SLC11A1: variants seen among roughly 807,000 people sequenced by gnomAD.
SLC11A1 encodes the protein natural resistance-associated macrophage protein 1.
Under a neutral mutation model 63.2 loss-of-function variants are expected in SLC11A1, and 59 were observed. The ratio of observed to expected loss-of-function variants is 0.93; its 90% CI spans 0.76 to 1.16. The LOEUF is 1.16. Ranked by LOEUF, SLC11A1 falls within the 50% of genes most tolerant of loss-of-function variation. SLC11A1 has a pLI of 0.00. For synonymous variants in SLC11A1, 305 were observed against 307.8 expected (o/e 0.99, Z 0.09); for missense variants, 688 against 730.7 (o/e 0.94, Z 0.67).
chr2:218,394,571 G>A, intron 13 of SLC11A1, 61 bp from the exon 14 acceptor site: 3 of 1,569,044 alleles, frequency 1.9e-6, no homozygotes, highest in Non-Finnish European at 1.7e-6. Context: ...AGATGAAGAG[G>A]AGTTGATGCA....
rs1401267685 is a variant in SLC11A1, at chr2:218,385,451, T to C, written c.393+185T>C. Reference sequence around the variant, plus strand: ...CGTCGCCCAGTCAGGAGTGCAATGGTGCGATGTCAGCTCACTGCAACCTCT... The same window carrying C: ...CGTCGCCCAGTCAGGAGTGCAATGGCGCGATGTCAGCTCACTGCAACCTCT... On this transcript the variant is annotated intron_variant, in intron 4 of 14. Coordinates refer to ENST00000233202, the MANE Select transcript of SLC11A1 (RefSeq NM_000578.4). The C allele has an allele frequency of 1.1e-5, 8 of 744,096 alleles. No homozygotes were observed. In the East Asian group the frequency reaches 2.6e-4, roughly 24 times the overall value. 46.1% of individuals were successfully genotyped at this position (744,096 alleles called of 1,614,324 possible).
At chr2:218,387,708 C>CG in intron 7 of SLC11A1, 76 bp downstream of exon 7, 1 of 1,610,890 alleles carries the variant, frequency 6.2e-7, no homozygotes, top group Non-Finnish European at 8.5e-7. Context: ...CCGCGGGCTG[C>CG]GGGGGGCTGG....
chr2:218,393,499 G>A (rs1475416347), intron 12 of SLC11A1, among the ~76,000 whole-genome samples: 2 of 145,390 alleles, frequency 1.4e-5, no homozygotes, highest in Admixed American at 7.0e-5. Context: ...TTTTTGAGAC[G>A]GAGTTTCACT....
At chr2:218,388,097 C>T (rs1696213739) in intron 8 of SLC11A1, 142 bp downstream of exon 8, 1 of 1,042,970 alleles carries the variant, frequency 9.6e-7, no homozygotes, top group Non-Finnish European at 1.4e-6. Flanking sequence ...AGGCGGGGCG[C>T]CATGGCTCAC....
Position 218,384,945 on chromosome 2 carries a change from ACTC to A in SLC11A1, c.274-199_274-197del, listed in dbSNP as rs1335292920. ...ACTATGTTGCTCAGGCTGCTCTTGAACTCCTGGACTCAAGCAATCCTCCCACCT... is the reference window on the plus strand; with the variant it reads ...ACTATGTTGCTCAGGCTGCTCTTGAACTGGACTCAAGCAATCCTCCCACCT... On this transcript the variant is annotated intron_variant, in intron 3 of 14. Coordinates refer to ENST00000233202, the MANE Select transcript of SLC11A1 (RefSeq NM_000578.4). This position sits in a 1 kb window ranked among gnomAD's most constrained non-coding sequence, Gnocchi z 4.0. The A allele has an allele frequency of 8.9e-6, 5 of 564,712 alleles. No individual in the cohort carries two copies. The African/African-American group carries it at 9.5e-5, about 11-fold the overall frequency. 35.0% of individuals were successfully genotyped at this position (564,712 alleles called of 1,614,324 possible).
At position 218,391,304 on chromosome 2, in the gene SLC11A1, G is replaced by C; in HGVS notation, c.1044+17G>C. 1 of 1,613,714 alleles carries C rather than the reference G, an allele frequency of 6.2e-7. No homozygotes were observed. The highest frequency in any genetic ancestry group is 8.5e-7 in the Non-Finnish European group (1 of 1,179,638). ...TACCAGGGGGTGAGCGCGGGTGGGT[G>C]GGGAGGGCGTGACCCAGAGAGGCTC... is the stretch of plus-strand genomic sequence containing the variant. On this transcript the variant is annotated intron_variant, in intron 10 of 14. Coordinates refer to ENST00000233202, the MANE Select transcript of SLC11A1 (RefSeq NM_000578.4).
At chr2:218,391,101 C>CTGTTTTGG in intron 9 of SLC11A1, 97 bp from the exon 10 acceptor site, 1 of 1,014,062 alleles carries the variant, frequency 9.9e-7, no homozygotes, top group Non-Finnish European at 1.6e-6. Flanking sequence ...CAGCCTTGGG[C>CTGTTTTGG]CACCAGTTTT....
Position 218,393,014 on chromosome 2 carries a change from C to A in SLC11A1, c.1198C>A (p.Arg400Ser), listed in dbSNP as rs774024940. Residue 400 changes from arginine (R) to serine (S), a missense_variant, in exon 12 of 15, where the codon CGT becomes AGT. Physicochemically the swap from Arg to Ser is moderately radical, Grantham distance 110 (BLOSUM62 -1). Coordinates refer to ENST00000233202, the MANE Select transcript of SLC11A1 (RefSeq NM_000578.4). ...FLRLRWSRFA[R>S]VLLTRSCAIL... is the part of the protein sequence containing the mutation. ...GAGGCTGCGGTGGTCACGCTTCGCCCGTGTCCTCCTCACCCGCTCCTGCGC... is the reference window on the plus strand; with the variant it reads ...GAGGCTGCGGTGGTCACGCTTCGCCAGTGTCCTCCTCACCCGCTCCTGCGC... 7 of 1,598,006 alleles carry A rather than the reference C, an allele frequency of 4.4e-6. No individual in the cohort carries two copies. In the South Asian group the frequency reaches 4.5e-5, roughly 10 times the overall value.
At chr2:218,394,254 C>T (rs913464703) in intron 13 of SLC11A1, 61 bp downstream of exon 13, 1 of 1,510,658 alleles carries the variant, frequency 6.6e-7, no homozygotes, top group African/African-American at 1.4e-5. Flanking sequence ...CACAGCCACC[C>T]AGAGGTACGA....
chr2:218,387,221 G>A lies in SLC11A1; in HGVS notation c.562G>A (p.Asp188Asn). Residue 188 changes from aspartate (D) to asparagine (N), a missense_variant, in exon 6 of 15, where the codon GAT becomes AAT. Physicochemically the swap from Asp to Asn is conservative, Grantham distance 23. Coordinates refer to ENST00000233202, the MANE Select transcript of SLC11A1 (RefSeq NM_000578.4). ...IVDTFFFLFL[D>N]NYGLRKLEAF... ...GGACACCTTCTTCTTCCTCTTCCTC[G>A]ATAACTACGGTGGGTGCACACCCCA... 6.2e-7 allele frequency: 1 copy of A among 1,613,344 alleles called. No individual in the cohort carries two copies. Among genetic ancestry groups the A allele is most frequent in the Non-Finnish European group, 8.5e-7 (1 of 1,179,590 alleles).
chr2:218,387,950 G>C lies in SLC11A1; in HGVS notation c.790G>C (p.Val264Leu). Residue 264 changes from valine (V) to leucine (L), a missense_variant, in exon 8 of 15, where the codon GTC (valine) becomes CTC (leucine). Transcript: ENST00000233202. The stretch of plus-strand genomic sequence containing the variant: ...CAACATCTACCTGCACTCGGCCCTG[G>C]TCAAGGTGAGCAGAGGGGAGGGGAA... ...PHNIYLHSALVKSREIDRARR... is the reference protein window; with the variant it reads ...PHNIYLHSALLKSREIDRARR... 1 of 1,605,984 alleles carries C rather than the reference G, an allele frequency of 6.2e-7. No individual in the cohort carries two copies. Among genetic ancestry groups the C allele is most frequent in the South Asian group, 1.1e-5 (1 of 89,806 alleles).
chr2:218,391,494 AG>A lies in SLC11A1; in HGVS notation c.1164+1del. 6.3e-7 allele frequency: 1 copy of A among 1,587,116 alleles called. No homozygotes were observed. The highest frequency in any genetic ancestry group is 8.6e-7 in the Non-Finnish European group (1 of 1,166,948). ...ACCTACGCGGGACAGTTCGTGATGGAGGTAGGGCAGGGGGCGGGCCCAGGAG... is the reference window on the plus strand; with the variant it reads ...ACCTACGCGGGACAGTTCGTGATGGAGTAGGGCAGGGGGCGGGCCCAGGAG... ...TGTYAGQFVM[E>X]GFLRLRWSRF... On this transcript the variant is annotated frameshift_variant and splice_region_variant, in exon 11 of 15. Transcript: ENST00000233202. LOFTEE classifies it high-confidence loss of function.
At chr2:218,393,278 T>C in intron 12 of SLC11A1, 148 bp downstream of exon 12, 1 of 785,692 alleles carries the variant, frequency 1.3e-6, no homozygotes, top group Non-Finnish European at 1.8e-6. Flanking sequence ...ACAGCCACCC[T>C]GGGGGGCAGG....
At position 218,384,114 on chromosome 2, in the gene SLC11A1, G is replaced by A. The variant is rs185366571; in HGVS notation, c.151-129G>A. 58 of 992,418 alleles carry A rather than the reference G, an allele frequency of 5.8e-5. No homozygotes were observed. The highest frequency in any genetic ancestry group is 7.3e-4 in the Middle Eastern group (2 of 2,736). 61.5% of individuals were successfully genotyped at this position (992,418 alleles called of 1,614,324 possible). A position where few individuals can be genotyped will look rare whatever the true frequency, so the allele number is the denominator to read the frequency against. On this transcript the variant is annotated intron_variant, in intron 2 of 14. Transcript: ENST00000233202. The surrounding 1 kb of genome is among the most constrained non-coding windows in gnomAD (Gnocchi z 4.0). ...CCCCATCCCTTGGGTGGCAGACCCA[G>A]GAATGGGCCATGGAGGGCAGGGCTG...
chr2:218,383,257 T>C, intron 2 of SLC11A1, 155 bp downstream of exon 2: 1 of 749,036 alleles, frequency 1.3e-6, no homozygotes, highest in Non-Finnish European at 2.1e-6. Flanking sequence ...CCCTTCCTGC[T>C]TCCGTCCCCA....
intron 9 of SLC11A1, 132 bp downstream of exon 9, chr2:218,390,160 T>G (rs1467513946): frequency 7.0e-5 from 61 of 872,832 alleles, no homozygotes; most frequent in Non-Finnish European, 1.1e-4. Context: ...TTGGCAGATA[T>G]CATTCATTCA....
Position 218,384,607 on chromosome 2 carries a change from A to T in SLC11A1, c.273+242A>T, listed in dbSNP as rs538232007. 1.7e-4 allele frequency: 28 copies of T among 160,090 alleles called. No homozygotes were observed. Among genetic ancestry groups the T allele is most frequent in the African/African-American group, 1.2e-4 (5 of 41,546 alleles). 9.9% of individuals were successfully genotyped at this position (160,090 alleles called of 1,614,324 possible). ...GTATATTTATTTATTTATTTATTTA[A>T]TTTTATTTTTTGAGACTCAGTCTCA... On this transcript the variant is annotated intron_variant, in intron 3 of 14. Coordinates refer to ENST00000233202, the MANE Select transcript of SLC11A1 (RefSeq NM_000578.4). This position sits in a 1 kb window ranked among gnomAD's most constrained non-coding sequence, Gnocchi z 4.0.
chr2:218,395,242 C>T lies in SLC11A1; in HGVS notation c.*207C>T, dbSNP rs191702518. On this transcript the variant is annotated 3_prime_UTR_variant, in exon 15 of 15. Transcript: ENST00000233202. The stretch of plus-strand genomic sequence containing the variant: ...CTCATCTGTAAAATGGAGACACCAC[C>T]ACCCTTGCCATGGAGGTTAAGCACT... 1.8e-3 allele frequency: 1,023 copies of T among 575,990 alleles called. 7 individuals carry two copies. The highest frequency in any genetic ancestry group is 0.017 in the African/African-American group (887 of 53,664). 35.7% of individuals were successfully genotyped at this position (575,990 alleles called of 1,614,324 possible). A position where few individuals can be genotyped will look rare whatever the true frequency, so the allele number is the denominator to read the frequency against.
chr2:218,392,836 A>G (rs1052335057), intron 11 of SLC11A1, 145 bp from the exon 12 acceptor site: 1 of 582,068 alleles, frequency 1.7e-6, no homozygotes. Context: ...CCCTCTTGCC[A>G]CCTAGGGACA....
Sources: gnomAD v4.1 joint callset for allele counts (sites outside exome capture counted in the v4.1 genomes callset) on GRCh38, gnomAD v4.1.1 for gene constraint, Gnocchi (gnomAD v3.1) non-coding constraint, MANE v1.5 for transcripts, NCBI Gene and HGNC (gene_info 2026-07-23, HGNC 2026-07-21) for gene names.